MDGA2: variants seen among roughly 807,000 people sequenced by gnomAD.
MDGA2 encodes MAM domain-containing glycosylphosphatidylinositol anchor protein 2.
A neutral mutation model predicts 117.8 loss-of-function variants in MDGA2; 40 were observed. That is an observed-to-expected ratio of 0.34 (90% CI 0.26 to 0.44). MDGA2 has a LOEUF of 0.44. Ranked by LOEUF, MDGA2 falls within the 20% of genes least tolerant of loss-of-function variation. The pLI, the probability that MDGA2 is intolerant of heterozygous loss-of-function variation, is 1.00. For missense variants in MDGA2, 1,123 were observed against 1,250.6 expected (o/e 0.90, Z 1.54); for synonymous variants, 452 against 439.0 (o/e 1.03, Z -0.37).
chr14:47,055,117 C>A (rs1485808361), intron 7 of MDGA2, among the ~76,000 whole-genome samples: 3 of 146,502 alleles, frequency 2.0e-5, no homozygotes, highest in African/African-American at 7.8e-5. Flanking sequence ...ACTGACTATT[C>A]TGTCACAATG....
intron 1 of MDGA2, among the ~76,000 whole-genome samples, chr14:47,522,353 A>ATATATG (rs570537640): frequency 4.8e-5 from 7 of 147,146 alleles, no homozygotes; most frequent in African/African-American, 1.7e-4. Context: ...ATGTATATAT[A>ATATATG]TGTATATATG....
intron 3 of MDGA2, among the ~76,000 whole-genome samples, chr14:47,165,870 T>C (rs1004374229): frequency 3.0e-4 from 46 of 152,158 alleles, no homozygotes; most frequent in African/African-American, 1.0e-3. Context: ...TACATACCGA[T>C]AGGCAGAATA....
intron 3 of MDGA2, among the ~76,000 whole-genome samples, chr14:47,211,898 A>C (rs1470883084): frequency 3.3e-5 from 5 of 152,158 alleles, no homozygotes; most frequent in African/African-American, 4.8e-5. Flanking sequence ...TTATTACTTA[A>C]CATTTGTAAA....
chr14:47,255,011 C>A (rs1315859977), intron 2 of MDGA2, among the ~76,000 whole-genome samples: 1 of 152,150 alleles, frequency 6.6e-6, no homozygotes, highest in Non-Finnish European at 1.5e-5. Flanking sequence ...GAAACCTCCC[C>A]CATGATTCAA....
At chr14:46,926,211 T>C (rs988494356) in intron 9 of MDGA2, among the ~76,000 whole-genome samples, 1 of 152,214 alleles carries the variant, frequency 6.6e-6, no homozygotes, top group African/African-American at 2.4e-5. Context: ...AATCCACTAA[T>C]TTTCATTTTT....
intron 1 of MDGA2, among the ~76,000 whole-genome samples, chr14:47,561,158 G>GGTTTTTTTT (rs1566515949): frequency 2.4e-4 from 13 of 55,090 alleles, no homozygotes; most frequent in Admixed American, 5.0e-4. Flanking sequence ...TTTTTGTTTT[G>GGTTTTTTTT]TTTTGTTTTT....
At position 47,358,959 on chromosome 14, in the gene MDGA2, A is replaced by C. The variant is rs527345298; in HGVS notation, c.281-57409T>G. Among the ~76,000 whole-genome samples, 7 of 152,264 alleles carry C rather than the reference A, an allele frequency of 4.6e-5. 1 individual carries two copies. In the South Asian group the frequency reaches 1.5e-3, roughly 32 times the overall value. On this transcript the variant is annotated intron_variant, in intron 1 of 16. Coordinates refer to ENST00000399232, the MANE Select transcript of MDGA2 (RefSeq NM_001113498.3). ...GCATTTTTCACTTAAACAAACAAAC[A>C]AAAAAACTCTAAAATTTGCAGGGAA... is the stretch of plus-strand genomic sequence containing the variant.
chr14:47,666,342 G>T (rs1177347790), intron 1 of MDGA2, among the ~76,000 whole-genome samples: 1 of 145,174 alleles, frequency 6.9e-6, no homozygotes, highest in Admixed American at 6.7e-5. Context: ...TCTGTGTCTA[G>T]CTGATCTGCT....
intron 8 of MDGA2, among the ~76,000 whole-genome samples, chr14:47,033,084 G>C (rs554854823): frequency 6.6e-6 from 1 of 152,274 alleles, no homozygotes; most frequent in African/African-American, 2.4e-5. Flanking sequence ...GTTCATCCCT[G>C]TCACACTAGA....
chr14:47,611,254 T>A (rs1055059091), intron 1 of MDGA2, among the ~76,000 whole-genome samples: 1 of 151,926 alleles, frequency 6.6e-6, no homozygotes, highest in Non-Finnish European at 1.5e-5. Context: ...CTATAAAAAT[T>A]CTAGAAAATT....
chr14:47,099,771 A>T (rs1338090776), intron 5 of MDGA2, among the ~76,000 whole-genome samples: 1 of 152,002 alleles, frequency 6.6e-6, no homozygotes, highest in Non-Finnish European at 1.5e-5. Flanking sequence ...TCAATTTCCC[A>T]TTGTTGAAAT....
intron 3 of MDGA2, among the ~76,000 whole-genome samples, chr14:47,166,753 A>T (rs1566660362): frequency 6.6e-6 from 1 of 152,240 alleles, no homozygotes; most frequent in Non-Finnish European, 1.5e-5. Context: ...ATGAACCGTC[A>T]CAACAAAAAC....
At chr14:47,651,666 G>A (rs1897647701) in intron 1 of MDGA2, among the ~76,000 whole-genome samples, 1 of 152,072 alleles carries the variant, frequency 6.6e-6, no homozygotes, top group Non-Finnish European at 1.5e-5. Context: ...CAGGGCAAAT[G>A]GGAGAATAAT....
At chr14:47,169,179 C>T (rs546671762) in intron 3 of MDGA2, among the ~76,000 whole-genome samples, 1 of 152,118 alleles carries the variant, frequency 6.6e-6, no homozygotes, top group Non-Finnish European at 1.5e-5. Context: ...CCCTTCAACA[C>T]AGGCATGCTG....
rs1167612347 is a variant in MDGA2, at chr14:47,106,335, A to G, written c.926-9212T>C. 6.6e-5 allele frequency among the ~76,000 whole-genome samples: 10 copies of G among 152,184 alleles called. No individual in the cohort carries two copies. The East Asian group carries it at 1.8e-3, about 27-fold the overall frequency. On this transcript the variant is annotated intron_variant, in intron 5 of 16. Transcript: ENST00000399232. ...TGTACCATAATAGAAAAAAGTTGCA[A>G]TTCCTTGCCTCCATTGTGAGACAAA... is the stretch of plus-strand genomic sequence containing the variant.
chr14:47,609,609 T>C (rs920151292), intron 1 of MDGA2, among the ~76,000 whole-genome samples: 1 of 150,906 alleles, frequency 6.6e-6, no homozygotes, highest in Admixed American at 6.6e-5. Flanking sequence ...TACCCAGTAG[T>C]GGGATTGCTG....
At chr14:47,333,941 A>T (rs189046391) in intron 1 of MDGA2, among the ~76,000 whole-genome samples, 1 of 151,918 alleles carries the variant, frequency 6.6e-6, no homozygotes, top group East Asian at 1.9e-4. Context: ...GGATCCCTAT[A>T]TATTGTAAAT....
chr14:46,953,497 AT>A (rs1885444227), intron 9 of MDGA2, among the ~76,000 whole-genome samples: 1 of 151,910 alleles, frequency 6.6e-6, no homozygotes, highest in Non-Finnish European at 1.5e-5. Context: ...ATTGATTACC[AT>A]TTTATTTTCC....
chr14:46,964,925 T>TATAGTTGA (rs1566549168), intron 8 of MDGA2, among the ~76,000 whole-genome samples: 1 of 108,056 alleles, frequency 9.3e-6, no homozygotes, highest in African/African-American at 6.3e-5. Flanking sequence ...TTTACTTTTT[T>TATAGTTGA]TTTTTTTTTT....
Sources: gnomAD v4.1 joint callset for allele counts (sites outside exome capture counted in the v4.1 genomes callset) on GRCh38, gnomAD v4.1.1 for gene constraint, MANE v1.5 for transcripts, NCBI Gene and HGNC (gene_info 2026-07-23, HGNC 2026-07-21) for gene names.